Variants in TRPM7 observed in about 807,000 individuals in gnomAD.
TRPM7 encodes transient receptor potential cation channel subfamily M member 7.
In TRPM7, 134 loss-of-function variants were observed where a neutral mutation model predicts 229.7. That is an observed-to-expected ratio of 0.58 (90% confidence interval 0.51 to 0.67). The LOEUF (loss-of-function observed/expected upper bound fraction) is 0.67, where lower values mean the gene tolerates loss of function less well. TRPM7 is among the 30% of genes least tolerant of loss of function. TRPM7 has a pLI of 0.00. For missense variants in TRPM7, 1,901 were observed against 2,210.0 expected (o/e 0.86, Z 2.80); for synonymous variants, 699 against 715.2 (o/e 0.98, Z 0.36).
chr15:50,676,600 AC>A (rs1292068802), intron 1 of TRPM7, among the ~76,000 whole-genome samples: 1 of 151,966 alleles, frequency 6.6e-6, no homozygotes, highest in Non-Finnish European at 1.5e-5. Context: ...AGACTTGAGG[AC>A]ACTGAAGAGC....
intron 26 of TRPM7, 85 bp from the exon 27 acceptor site, chr15:50,589,741 A>AGCATAAACCTATTGTTTTT: frequency 1.1e-6 from 1 of 872,170 alleles, no homozygotes; most frequent in Non-Finnish European, 1.8e-6. Context: ...TTATAAAAAC[A>AGCATAAACCTATTGTTTTT]ATAGGTTTAT....
intron 36 of TRPM7, among the ~76,000 whole-genome samples, chr15:50,572,045 T>C (rs890193325): frequency 6.6e-6 from 1 of 152,220 alleles, no homozygotes; most frequent in African/African-American, 2.4e-5. Flanking sequence ...CCCGTAATCC[T>C]AGCACTGTGG....
chr15:50,644,407 C>T (rs992209442), intron 4 of TRPM7, among the ~76,000 whole-genome samples: 25 of 152,218 alleles, frequency 1.6e-4, no homozygotes, highest in Admixed American at 6.5e-5. Context: ...GACATTGAGA[C>T]ATTTAAAAAT....
intron 3 of TRPM7, among the ~76,000 whole-genome samples, chr15:50,651,563 G>A (rs916029714): frequency 7.9e-5 from 12 of 152,276 alleles, no homozygotes; most frequent in Admixed American, 2.6e-4. Flanking sequence ...TTGGGAGGCC[G>A]AGGCAGGTGG....
In TRPM7 at chr15:50,592,186, G is replaced by T; in HGVS notation, c.4049C>A (p.Ser1350Tyr). The change falls in exon 26 of 39, where the codon TCC becomes TAC. Residue 1350 changes from serine to tyrosine, a missense_variant. Ser to Tyr is a moderately radical substitution (Grantham distance 144). This residue lies in a region of TRPM7 where 533 missense variants were observed against 497.1 expected (regional missense o/e 1.07). Coordinates refer to ENST00000646667, the MANE Select transcript of TRPM7 (RefSeq NM_017672.6). ...RKEFNFPEAG[S>Y]SSGALFPSAV... ...ACTTGGGAATAAGGCACCAGAAGAG[G>T]AACCAGCCTCTGGAAAATTAAATTC... The T allele has an allele frequency of 6.2e-7, 1 of 1,614,110 alleles. No homozygotes were observed. The highest frequency in any genetic ancestry group is 8.5e-7 in the Non-Finnish European group (1 of 1,180,000).
intron 24 of TRPM7, 151 bp downstream of exon 24, chr15:50,594,278 T>C: frequency 3.2e-6 from 2 of 625,694 alleles, no homozygotes; most frequent in Non-Finnish European, 5.3e-6. Context: ...ATATTGCACT[T>C]AAAAATTCCT....
intron 3 of TRPM7, among the ~76,000 whole-genome samples, chr15:50,655,089 T>C (rs1161715660): frequency 7.3e-6 from 1 of 137,128 alleles, no homozygotes; most frequent in East Asian, 2.2e-4. Flanking sequence ...CCTGAAGACA[T>C]CAATAGAAAT....
intron 36 of TRPM7, 122 bp from the exon 37 acceptor site, chr15:50,570,277 A>T (rs1319292758): frequency 1.4e-6 from 1 of 709,776 alleles, no homozygotes; most frequent in Non-Finnish European, 2.3e-6. Flanking sequence ...TTACAATGTT[A>T]AACTATTCAA....
At chr15:50,658,559 G>A (rs1308465277) in intron 2 of TRPM7, among the ~76,000 whole-genome samples, 17 of 147,096 alleles carry the variant, frequency 1.2e-4, no homozygotes, top group African/African-American at 3.8e-4. Context: ...GCGAAAGAGC[G>A]AGAAACTGTC....
chr15:50,613,629 T>A, intron 15 of TRPM7, 78 bp downstream of exon 15: 2 of 1,297,004 alleles, frequency 1.5e-6, no homozygotes, highest in East Asian at 2.8e-5. Flanking sequence ...TCAATTAGTT[T>A]TTTTTGTTTA....
At chr15:50,685,057 A>G (rs188504324) in intron 1 of TRPM7, among the ~76,000 whole-genome samples, 150 of 152,372 alleles carry the variant, frequency 9.8e-4, no homozygotes, top group Non-Finnish European at 2.0e-3. Flanking sequence ...TTGCTTTAAA[A>G]TTATCCCATT....
intron 22 of TRPM7, among the ~76,000 whole-genome samples, chr15:50,598,692 T>A (rs2059695257): frequency 6.6e-6 from 1 of 152,184 alleles, no homozygotes; most frequent in South Asian, 2.1e-4. Flanking sequence ...GAAAGGGACA[T>A]TTTCCTCTAA....
intron 21 of TRPM7, among the ~76,000 whole-genome samples, chr15:50,600,728 G>T (rs989204775): frequency 6.6e-6 from 1 of 152,140 alleles, no homozygotes; most frequent in Admixed American, 6.5e-5. Flanking sequence ...AGTCAAGGCC[G>T]GATAAAGTAA....
chr15:50,575,175 C>T, intron 33 of TRPM7, 40 bp from the exon 34 acceptor site: 1 of 1,508,440 alleles, frequency 6.6e-7, no homozygotes, highest in South Asian at 1.4e-5. Context: ...TAAATTGTGA[C>T]TTTTTAAAAA....
chr15:50,664,212 C>G (rs2061818040), intron 1 of TRPM7, among the ~76,000 whole-genome samples: 1 of 150,198 alleles, frequency 6.7e-6, no homozygotes, highest in African/African-American at 2.5e-5. Flanking sequence ...GCAGGAGAAT[C>G]GCTTGAACCA....
chr15:50,585,092 T>C (rs1351382179), intron 28 of TRPM7, among the ~76,000 whole-genome samples: 1 of 146,534 alleles, frequency 6.8e-6, no homozygotes, highest in Non-Finnish European at 1.5e-5. Context: ...TCTCGCTCTG[T>C]CGCCCAGGCC....
chr15:50,596,467 T>C (rs2059635932), intron 22 of TRPM7, 86 bp from the exon 23 acceptor site: 1 of 1,050,196 alleles, frequency 9.5e-7, no homozygotes, highest in East Asian at 3.1e-5. Flanking sequence ...TTTCTGGTTA[T>C]TTATTTACTT....
intron 33 of TRPM7, 107 bp from the exon 34 acceptor site, chr15:50,575,242 T>C (rs2054077124): frequency 2.2e-6 from 2 of 891,572 alleles, no homozygotes; most frequent in African/African-American, 1.7e-5. Context: ...GAAGATAAAA[T>C]GGACCAAGAT....
chr15:50,607,374 A>C (rs765175462), intron 19 of TRPM7, 46 bp from the exon 20 acceptor site: 3 of 1,440,028 alleles, frequency 2.1e-6, no homozygotes, highest in Middle Eastern at 2.2e-4. Flanking sequence ...GTTACAAAAT[A>C]AATCTTTTAA....
Sources: allele counts gnomAD v4.1 joint callset (sites outside exome capture counted in the v4.1 genomes callset), GRCh38; gene constraint gnomAD v4.1.1; regional missense constraint gnomAD v4.1.1; transcripts MANE v1.5; gene names NCBI Gene and HGNC (gene_info 2026-07-23, HGNC 2026-07-21).